MBD5: variants seen among roughly 807,000 people sequenced by gnomAD.
MBD5 encodes the protein methyl-CpG-binding domain protein 5.
Under a neutral mutation model 117.3 loss-of-function variants are expected in MBD5, and 13 were observed. That is an observed-to-expected ratio of 0.11 (90% CI 0.07 to 0.18). The LOEUF (loss-of-function observed/expected upper bound fraction) is 0.18. Among genes scored for constraint, MBD5 ranks in the 10% least tolerant of loss-of-function variants. The pLI, the probability that MBD5 is intolerant of heterozygous loss-of-function variation, is 1.00. For missense variants in MBD5, 1,879 were observed against 2,093.8 expected (o/e 0.90, Z 2.00); for synonymous variants, 727 against 766.4 (o/e 0.95, Z 0.85).
At chr2:148,508,578 G>A (rs1361667329) in intron 12 of MBD5, among the ~76,000 whole-genome samples, 2 of 152,002 alleles carry the variant, frequency 1.3e-5, no homozygotes, top group African/African-American at 4.8e-5. Flanking sequence ...TCCAGCGGGG[G>A]AATATATTAG....
chr2:148,072,152 A>G (rs978560860), intron 1 of MBD5: 9 of 152,154 alleles, frequency 5.9e-5, no homozygotes, highest in Non-Finnish European at 1.2e-4. Context: ...CATACTATTC[A>G]ATATAATAAT....
chr2:148,376,305 T>C (rs1703985339), intron 4 of MBD5, among the ~76,000 whole-genome samples: 2 of 149,342 alleles, frequency 1.3e-5, no homozygotes, highest in African/African-American at 5.0e-5. Context: ...TCTCACTCTG[T>C]CGCCCAGGCT....
chr2:148,446,080 G>T (rs1174803981), intron 4 of MBD5, among the ~76,000 whole-genome samples: 1 of 150,884 alleles, frequency 6.6e-6, no homozygotes, highest in Non-Finnish European at 1.5e-5. Context: ...CATTCTGTAG[G>T]TTGCCTGTTC....
intron 1 of MBD5, among the ~76,000 whole-genome samples, chr2:148,054,205 C>T (rs936265246): frequency 2.0e-5 from 3 of 152,076 alleles, no homozygotes; most frequent in Non-Finnish European, 4.4e-5. Flanking sequence ...CTGTGCCCAG[C>T]GTGATCCAAT....
At chr2:148,172,035 G>A (rs80033704) in intron 1 of MBD5, among the ~76,000 whole-genome samples, 1,873 of 152,342 alleles carry the variant, frequency 0.012, 44 homozygotes, top group African/African-American at 0.043. Context: ...TTAGCCAGGT[G>A]CAGTGGCATG....
In MBD5 at chr2:148,512,889, G is replaced by T; in HGVS notation, c.5132G>T (p.Gly1711Val). Reference protein sequence around the residue: ...MSGTVHQIPQGDRQMRPPKPK... With the variant: ...MSGTVHQIPQVDRQMRPPKPK... ...TTCCAGGTACACCAAATCCCACAGG[G>T]TGACAGACAAATGAGACCCCCCAAA... Residue 1711 changes from glycine to valine, a missense_variant, in exon 14 of 14, where the codon GGT becomes GTT. Around this residue, in one of 4 missense-constraint regions of MBD5, gnomAD observed 135 missense variants for 148.0 expected, o/e 0.91. Transcript: ENST00000642680. The T allele has an allele frequency of 6.2e-7, 1 of 1,613,728 alleles. No homozygotes were observed. Among genetic ancestry groups the T allele is most frequent in the African/African-American group, 1.3e-5 (1 of 74,946 alleles).
At chr2:148,169,194 C>G (rs1411971276) in intron 1 of MBD5, among the ~76,000 whole-genome samples, 1 of 152,046 alleles carries the variant, frequency 6.6e-6, no homozygotes, top group Non-Finnish European at 1.5e-5. Flanking sequence ...CATAGACTTT[C>G]ATGTTCACTT....
intron 1 of MBD5, among the ~76,000 whole-genome samples, chr2:148,120,996 G>A (rs1191169287): frequency 2.0e-5 from 3 of 152,156 alleles, no homozygotes; most frequent in Non-Finnish European, 4.4e-5. Flanking sequence ...AATACTCACA[G>A]CATTTTTACA....
At chr2:148,033,800 C>T (rs1694109955) in intron 1 of MBD5, among the ~76,000 whole-genome samples, 2 of 152,172 alleles carry the variant, frequency 1.3e-5, no homozygotes, top group South Asian at 2.1e-4. Flanking sequence ...TTCTCAGGTA[C>T]AGCAGACCAT....
intron 3 of MBD5, among the ~76,000 whole-genome samples, chr2:148,312,446 A>G (rs1283469587): frequency 2.0e-5 from 3 of 152,006 alleles, no homozygotes; most frequent in Admixed American, 2.0e-4. Flanking sequence ...CGATTCGGCT[A>G]TTGATACTTG....
chr2:148,076,606 C>T (rs149122398), intron 1 of MBD5, among the ~76,000 whole-genome samples: 37 of 152,270 alleles, frequency 2.4e-4, no homozygotes, highest in Middle Eastern at 3.4e-3. Context: ...TGAAGTTAGT[C>T]TTCTAGGTGC....
intron 3 of MBD5, among the ~76,000 whole-genome samples, chr2:148,284,438 G>A (rs539183080): frequency 6.6e-6 from 1 of 152,240 alleles, no homozygotes; most frequent in South Asian, 2.1e-4. Context: ...CAGATAATGA[G>A]GGCATCAGGG....
chr2:148,209,885 G>C (rs1699377964), intron 2 of MBD5, among the ~76,000 whole-genome samples: 1 of 152,118 alleles, frequency 6.6e-6, no homozygotes, highest in African/African-American at 2.4e-5. Context: ...AGCCATTCAT[G>C]AGCTAGCTAT....
rs542193794 is a variant in MBD5, at chr2:148,433,219, T to G, written c.-556-24984T>G. ...TGATTTTTGTTCTTCGATTTTGTATTCTGAAACTTTGCTTAATTTTTTATC... is the reference window on the plus strand; with the variant it reads ...TGATTTTTGTTCTTCGATTTTGTATGCTGAAACTTTGCTTAATTTTTTATC... On this transcript the variant is annotated intron_variant, in intron 4 of 13. Transcript: ENST00000642680. Among the ~76,000 whole-genome samples, 3 of 152,240 alleles carry G rather than the reference T, an allele frequency of 2.0e-5. No homozygotes were observed. The South Asian group carries it at 6.2e-4, about 31-fold the overall frequency.
chr2:148,040,018 C>CA lies in MBD5; in HGVS notation c.-925+18340dup, dbSNP rs1029143396. On this transcript the variant is annotated intron_variant, in intron 1 of 13. Transcript: ENST00000642680. ...GCAAGATAGTGAGACCCCATCTCTA[C>CA]AAAAAATTTAAAAATTAAGGGCGGG... Among the ~76,000 whole-genome samples the CA allele has an allele frequency of 3.3e-5, 5 of 151,842 alleles. No homozygotes were observed. The South Asian group carries it at 8.3e-4, about 25-fold the overall frequency.
intron 8 of MBD5, among the ~76,000 whole-genome samples, chr2:148,476,182 A>G (rs1004115115): frequency 1.0e-4 from 15 of 145,426 alleles, no homozygotes; most frequent in Non-Finnish European, 1.8e-4. Flanking sequence ...ATAACTCCAC[A>G]GGGACCCCTT....
intron 3 of MBD5, among the ~76,000 whole-genome samples, chr2:148,254,084 G>A (rs1239307939): frequency 6.6e-6 from 1 of 152,176 alleles, no homozygotes; most frequent in East Asian, 1.9e-4. Context: ...GAGAGGAACA[G>A]CTCACTACTA....
At chr2:148,322,916 A>G (rs10199386) in intron 3 of MBD5, among the ~76,000 whole-genome samples, 28,322 of 147,978 alleles carry the variant, frequency 0.19, 2,793 homozygotes, top group African/African-American at 0.19. Context: ...ACCTATGTAT[A>G]CATGTGCCAT....
chr2:148,021,950 A>G (rs1693755055), intron 1 of MBD5, among the ~76,000 whole-genome samples: 1 of 152,114 alleles, frequency 6.6e-6, no homozygotes, highest in Admixed American at 6.5e-5. Context: ...GTCTTGCTCC[A>G]GTGGGGGAGA....
Sources: gnomAD v4.1 joint callset for allele counts (sites outside exome capture counted in the v4.1 genomes callset) on GRCh38, gnomAD v4.1.1 for gene constraint, gnomAD v4.1.1 regional missense constraint, MANE v1.5 for transcripts, NCBI Gene and HGNC (gene_info 2026-07-23, HGNC 2026-07-21) for gene names.